SH3GL2: variants seen among roughly 807,000 people sequenced by gnomAD.
The protein encoded by SH3GL2 is endophilin-A1.
In SH3GL2, 24 loss-of-function variants were observed where a neutral mutation model predicts 46.0. The observed-to-expected ratio is 0.52, with a 90% CI of 0.38 to 0.73. The LOEUF is 0.73. Among genes scored for constraint, SH3GL2 ranks in the 30% least tolerant of loss-of-function variants. SH3GL2 has a pLI of 0.00. For synonymous variants in SH3GL2, 196 were observed against 147.1 expected, an observed-to-expected ratio of 1.33 and a Z score of -2.40; for missense variants, 413 against 424.2, an observed-to-expected ratio of 0.97 and a Z score of 0.23.
intron 1 of SH3GL2, among the ~76,000 whole-genome samples, chr9:17,697,952 A>T (rs974878975): frequency 6.6e-6 from 1 of 152,182 alleles, no homozygotes; most frequent in Admixed American, 6.5e-5. Flanking sequence ...ATGGGCTAAG[A>T]TTTAGATGGC....
At chr9:17,749,476 A>T (rs144707133) in intron 2 of SH3GL2, among the ~76,000 whole-genome samples, 35 of 152,070 alleles carry the variant, frequency 2.3e-4, no homozygotes, top group Non-Finnish European at 4.3e-4. Context: ...GAGCATTTAT[A>T]GTTTGCCACG....
At chr9:17,720,658 A>G (rs968063218) in intron 1 of SH3GL2, among the ~76,000 whole-genome samples, 2 of 149,956 alleles carry the variant, frequency 1.3e-5, no homozygotes, top group African/African-American at 5.1e-5. Flanking sequence ...CCTAAATTAT[A>G]TAAGGAGGCA....
chr9:17,625,517 G>A (rs934658123), intron 1 of SH3GL2, among the ~76,000 whole-genome samples: 1 of 152,174 alleles, frequency 6.6e-6, no homozygotes, highest in African/African-American at 2.4e-5. Context: ...ACAATACCTT[G>A]TGTGATAATC....
At chr9:17,586,915 A>G (rs1818387435) in intron 1 of SH3GL2, among the ~76,000 whole-genome samples, 1 of 152,228 alleles carries the variant, frequency 6.6e-6, no homozygotes, top group South Asian at 2.1e-4. Flanking sequence ...TTTTAAACGT[A>G]CAGGAAATCG....
chr9:17,680,636 C>T (rs549171143), intron 1 of SH3GL2, among the ~76,000 whole-genome samples: 2 of 151,960 alleles, frequency 1.3e-5, no homozygotes, highest in African/African-American at 2.4e-5. Flanking sequence ...TCCTTCAGTT[C>T]TTCTCTGATC....
chr9:17,783,269 C>T (rs1307797119), intron 3 of SH3GL2, among the ~76,000 whole-genome samples: 1 of 151,886 alleles, frequency 6.6e-6, no homozygotes, highest in Admixed American at 6.6e-5. Context: ...ATGGACTCTG[C>T]TGTTTTCCAT....
At chr9:17,617,241 G>T (rs1291109132) in intron 1 of SH3GL2, among the ~76,000 whole-genome samples, 2 of 152,130 alleles carry the variant, frequency 1.3e-5, no homozygotes, top group African/African-American at 4.8e-5. Flanking sequence ...TTTCCAGTTT[G>T]CTCCTTTGAA....
chr9:17,582,564 A>G (rs576445664), intron 1 of SH3GL2, among the ~76,000 whole-genome samples: 1 of 152,354 alleles, frequency 6.6e-6, no homozygotes, highest in South Asian at 2.1e-4. Flanking sequence ...TCACTCTATC[A>G]TGCATATGAT....
intron 1 of SH3GL2, among the ~76,000 whole-genome samples, chr9:17,708,567 T>C (rs903831225): frequency 2.6e-5 from 4 of 152,028 alleles, no homozygotes; most frequent in Admixed American, 1.3e-4. Context: ...ACGATTGCGT[T>C]ATACTTTATT....
At chr9:17,623,108 G>T (rs75320295) in intron 1 of SH3GL2, among the ~76,000 whole-genome samples, 4 of 118,662 alleles carry the variant, frequency 3.4e-5, no homozygotes, top group African/African-American at 1.4e-4. Context: ...CTTTGCATTC[G>T]TTCTGCTTTA....
At chr9:17,753,574 G>T (rs1588303011) in intron 2 of SH3GL2, among the ~76,000 whole-genome samples, 1 of 152,172 alleles carries the variant, frequency 6.6e-6, no homozygotes, top group Non-Finnish European at 1.5e-5. Context: ...CTGGATATTA[G>T]ACCTTTGTTG....
Position 17,795,898 on chromosome 9 carries a change from A to G in SH3GL2, c.*155A>G, listed in dbSNP as rs1441181307. 1 of 626,714 alleles carries G rather than the reference A, an allele frequency of 1.6e-6. No individual in the cohort carries two copies. Among genetic ancestry groups the G allele is most frequent in the Non-Finnish European group, 2.8e-6 (1 of 355,072 alleles). The allele number at this position is 626,714 out of a possible 1,614,324, so 38.8% of individuals were successfully genotyped here. A position where few individuals can be genotyped will look rare whatever the true frequency, so the allele number is the denominator to read the frequency against. On this transcript the variant is annotated 3_prime_UTR_variant, in exon 9 of 9. Coordinates refer to ENST00000380607, the MANE Select transcript of SH3GL2 (RefSeq NM_003026.5). ...GACTTTGGTTGACTTGTGGGCTCCCACAGGAGTCATGGTGATGGATGATAT... is the reference window on the plus strand; with the variant it reads ...GACTTTGGTTGACTTGTGGGCTCCCGCAGGAGTCATGGTGATGGATGATAT...
At chr9:17,612,971 T>C (rs1818902819) in intron 1 of SH3GL2, among the ~76,000 whole-genome samples, 1 of 152,226 alleles carries the variant, frequency 6.6e-6, no homozygotes, top group Non-Finnish European at 1.5e-5. Flanking sequence ...TGTCTGAATT[T>C]TTTTCACAGT....
chr9:17,772,664 T>G (rs1414562617), intron 3 of SH3GL2, among the ~76,000 whole-genome samples: 1 of 152,214 alleles, frequency 6.6e-6, no homozygotes, highest in Admixed American at 6.5e-5. Context: ...TAATAGTGTA[T>G]ATAAGAATTG....
At chr9:17,729,506 T>C (rs574420324) in intron 1 of SH3GL2, among the ~76,000 whole-genome samples, 2 of 152,300 alleles carry the variant, frequency 1.3e-5, no homozygotes, top group African/African-American at 4.8e-5. Context: ...TGCCATTGCT[T>C]TTGGTGTTTT....
intron 1 of SH3GL2, among the ~76,000 whole-genome samples, chr9:17,669,179 C>G: frequency 6.6e-6 from 1 of 152,072 alleles, no homozygotes; most frequent in East Asian, 1.9e-4. Flanking sequence ...AGTCTGTATC[C>G]AGTTTTCCCC....
chr9:17,619,683 AAAAAT>A (rs1032197292), intron 1 of SH3GL2, among the ~76,000 whole-genome samples: 24 of 152,276 alleles, frequency 1.6e-4, no homozygotes, highest in African/African-American at 4.3e-4. Flanking sequence ...ATCTCAAAAA[AAAAAT>A]AAAATAAAAT....
At chr9:17,599,701 C>G (rs888847978) in intron 1 of SH3GL2, among the ~76,000 whole-genome samples, 3 of 152,102 alleles carry the variant, frequency 2.0e-5, no homozygotes, top group Non-Finnish European at 4.4e-5. Flanking sequence ...TCTAGCCAGG[C>G]ATTTGTAGCA....
chr9:17,589,059 G>A (rs914636258), intron 1 of SH3GL2: 1 of 152,178 alleles, frequency 6.6e-6, no homozygotes, highest in African/African-American at 2.4e-5. Context: ...CTATTTGTGA[G>A]CTTGTAAGTG....
Sources: allele counts gnomAD v4.1 joint callset (sites outside exome capture counted in the v4.1 genomes callset), GRCh38; gene constraint gnomAD v4.1.1; transcripts MANE v1.5; gene names NCBI Gene and HGNC (gene_info 2026-07-23, HGNC 2026-07-21).